Variants in STX8 observed in about 807,000 individuals in gnomAD.
STX8 encodes syntaxin 8.
A neutral mutation model predicts 37.5 loss-of-function variants in STX8; 23 were observed. The observed-to-expected ratio is 0.61, with a 90% CI of 0.44 to 0.87. The LOEUF (loss-of-function observed/expected upper bound fraction) is 0.87, where lower values mean the gene tolerates loss of function less well. Ranked by LOEUF, STX8 falls within the 40% of genes least tolerant of loss-of-function variation. The pLI is 0.00. For synonymous variants in STX8, 115 were observed against 99.1 expected (o/e 1.16, Z -0.95); for missense variants, 313 against 284.7 (o/e 1.10, Z -0.71).
intron 6 of STX8, among the ~76,000 whole-genome samples, chr17:9,441,657 T>C (rs1283144831): frequency 4.0e-5 from 6 of 149,880 alleles, no homozygotes; most frequent in East Asian, 2.0e-4. Flanking sequence ...TCTCCATCTA[T>C]GCTCAGCACC....
chr17:9,525,559 G>T (rs1905533442), intron 4 of STX8, among the ~76,000 whole-genome samples: 1 of 151,674 alleles, frequency 6.6e-6, no homozygotes, highest in Non-Finnish European at 1.5e-5. Flanking sequence ...TGTTAGCCAG[G>T]ATGGTCTCGA....
At chr17:9,257,142 G>T (rs771820813) in intron 7 of STX8, among the ~76,000 whole-genome samples, 12 of 152,110 alleles carry the variant, frequency 7.9e-5, no homozygotes, top group Non-Finnish European at 1.8e-4. Flanking sequence ...GGATGCCAGG[G>T]TTACAAGAGT....
At chr17:9,535,356 G>T (rs117068169) in intron 4 of STX8, among the ~76,000 whole-genome samples, 1 of 149,730 alleles carries the variant, frequency 6.7e-6, no homozygotes, top group Non-Finnish European at 1.5e-5. Flanking sequence ...GTTCTACCCC[G>T]CTAGAAAATA....
chr17:9,459,827 C>A (rs892613346), intron 6 of STX8, among the ~76,000 whole-genome samples: 2 of 152,206 alleles, frequency 1.3e-5, no homozygotes, highest in African/African-American at 4.8e-5. Context: ...TATGCTGGCT[C>A]TTAAGCACAG....
chr17:9,420,243 G>GTGTT (rs1167070464), intron 6 of STX8, among the ~76,000 whole-genome samples: 25 of 152,268 alleles, frequency 1.6e-4, no homozygotes, highest in South Asian at 4.2e-4. Context: ...CGGCCGCCAG[G>GTGTT]GACTCAGAAA....
intron 6 of STX8, among the ~76,000 whole-genome samples, chr17:9,477,399 A>G (rs1024122687): frequency 2.0e-5 from 3 of 152,216 alleles, no homozygotes; most frequent in African/African-American, 7.2e-5. Flanking sequence ...AAACAGAAAT[A>G]ACAAAAGGAG....
At chr17:9,482,295 C>A (rs1906383162) in intron 6 of STX8, among the ~76,000 whole-genome samples, 1 of 151,916 alleles carries the variant, frequency 6.6e-6, no homozygotes, top group Non-Finnish European at 1.5e-5. Flanking sequence ...ATTTTTCTGG[C>A]TTATACAAGT....
intron 7 of STX8, among the ~76,000 whole-genome samples, chr17:9,301,299 T>C (rs1908772421): frequency 6.6e-6 from 1 of 152,162 alleles, no homozygotes. Context: ...TAAGAACAGA[T>C]ACTGAGCTCT....
intron 4 of STX8, among the ~76,000 whole-genome samples, chr17:9,521,460 A>T (rs1165162146): frequency 6.6e-6 from 1 of 152,232 alleles, no homozygotes; most frequent in African/African-American, 2.4e-5. Context: ...ACTTAATAAC[A>T]ATCCCAGAGT....
chr17:9,335,439 T>TAATC (rs1910104121), intron 7 of STX8, among the ~76,000 whole-genome samples: 1 of 152,222 alleles, frequency 6.6e-6, no homozygotes, highest in Non-Finnish European at 1.5e-5. Flanking sequence ...CCTCATGATC[T>TAATC]AATCACCTCT....
At chr17:9,475,362 G>A (rs578228918) in intron 6 of STX8, among the ~76,000 whole-genome samples, 44 of 152,296 alleles carry the variant, frequency 2.9e-4, no homozygotes, top group African/African-American at 1.1e-3. Context: ...CTTTCTTTTT[G>A]ACAGAACCCT....
chr17:9,354,610 G>A lies in STX8; in HGVS notation c.643+23942C>T, dbSNP rs375967787. On this transcript the variant is annotated intron_variant, in intron 7 of 7. Transcript: ENST00000306357. Reference sequence around the variant, plus strand: ...GCTGGGATTACAGGCAGGAGCCACCGTGCCCGGCCCATATTTACTCTTAAC... The same window carrying A: ...GCTGGGATTACAGGCAGGAGCCACCATGCCCGGCCCATATTTACTCTTAAC... Among the ~76,000 whole-genome samples, 12 of 150,606 alleles carry A rather than the reference G, an allele frequency of 8.0e-5. No individual in the cohort carries two copies. The East Asian group carries it at 8.1e-4, about 10-fold the overall frequency.
chr17:9,360,663 T>TA (rs59129684), intron 7 of STX8, among the ~76,000 whole-genome samples: 20,124 of 133,360 alleles, frequency 0.15, 2,132 homozygotes, highest in African/African-American at 0.3. Context: ...TTATTAGTGT[T>TA]AAAAAAAAAA....
At chr17:9,489,771 G>A (rs759807477) in intron 6 of STX8, among the ~76,000 whole-genome samples, 25 of 139,532 alleles carry the variant, frequency 1.8e-4, no homozygotes, top group Non-Finnish European at 2.9e-4. Context: ...TCACTGCAAC[G>A]TCTGCCTCCC....
At chr17:9,268,284 CAAAA>C (rs112954356) in intron 7 of STX8, among the ~76,000 whole-genome samples, 1 of 69,174 alleles carries the variant, frequency 1.4e-5, no homozygotes. Context: ...GGAGTAAGAA[CAAAA>C]AAAAAAAAAA....
chr17:9,499,527 T>C (rs148330868), intron 5 of STX8, among the ~76,000 whole-genome samples: 24,950 of 152,036 alleles, frequency 0.16, 2,186 homozygotes, highest in South Asian at 0.24. Context: ...GCCTCCCGAG[T>C]AGCTGGGACT....
At chr17:9,451,172 G>T (rs1905028913) in intron 6 of STX8, among the ~76,000 whole-genome samples, 3 of 152,016 alleles carry the variant, frequency 2.0e-5, no homozygotes, top group Admixed American at 2.0e-4. Context: ...ACTTTTTCCA[G>T]ATCTAATCCA....
intron 6 of STX8, among the ~76,000 whole-genome samples, chr17:9,449,413 A>G (rs774147194): frequency 2.6e-5 from 4 of 152,190 alleles, no homozygotes; most frequent in Non-Finnish European, 5.9e-5. Context: ...ACAAAAAATT[A>G]GCCGGACATG....
intron 7 of STX8, among the ~76,000 whole-genome samples, chr17:9,284,925 A>G (rs1360510087): frequency 6.6e-6 from 1 of 152,118 alleles, no homozygotes; most frequent in Non-Finnish European, 1.5e-5. Flanking sequence ...AAGTTTTTCA[A>G]AGTCATGGGT....
Sources: allele counts gnomAD v4.1 joint callset (sites outside exome capture counted in the v4.1 genomes callset), GRCh38; gene constraint gnomAD v4.1.1; transcripts MANE v1.5; gene names NCBI Gene and HGNC (gene_info 2026-07-23, HGNC 2026-07-21).